Variants in DCTN6 observed in about 807,000 individuals in gnomAD.
DCTN6 encodes dynactin subunit 6.
A neutral mutation model predicts 25.8 loss-of-function variants in DCTN6; 15 were observed. The ratio of observed to expected loss-of-function variants is 0.58; its 90% CI spans 0.39 to 0.89. The LOEUF (loss-of-function observed/expected upper bound fraction) is 0.89, where lower values mean the gene tolerates loss of function less well. Among genes scored for constraint, DCTN6 ranks in the 40% least tolerant of loss-of-function variants. DCTN6 has a pLI of 0.00. For missense variants in DCTN6, 198 were observed against 237.6 expected, an observed-to-expected ratio of 0.83 and a Z score of 1.09; for synonymous variants, 64 against 78.3, an observed-to-expected ratio of 0.82 and a Z score of 0.96.
In DCTN6 at chr8:30,183,056, A is replaced by C; in HGVS notation, c.475-19A>C. 6.2e-7 allele frequency: 1 copy of C among 1,611,606 alleles called. No individual in the cohort carries two copies. The highest frequency in any genetic ancestry group is 1.1e-5 in the South Asian group (1 of 91,008). On this transcript the variant is annotated intron_variant, in intron 6 of 6. Coordinates refer to ENST00000221114, the MANE Select transcript of DCTN6 (RefSeq NM_006571.4). ...ACTTTGCTTTCTGCCAATCGGCCTT[A>C]ATTACCTTATCTTTTTAGCCCCAGA...
chr8:30,176,333 G>T (rs1195630513), intron 3 of DCTN6, among the ~76,000 whole-genome samples: 1 of 151,938 alleles, frequency 6.6e-6, no homozygotes, highest in Non-Finnish European at 1.5e-5. Context: ...TTCAAGACCA[G>T]CCTGACCAAT....
chr8:30,180,380 T>C, intron 5 of DCTN6, 108 bp from the exon 6 acceptor site: 1 of 1,425,410 alleles, frequency 7.0e-7, no homozygotes, highest in Non-Finnish European at 9.4e-7. Flanking sequence ...TTCTTTAACT[T>C]TTTTCTTGAG....
At chr8:30,178,882 C>T (rs932475533) in intron 4 of DCTN6, among the ~76,000 whole-genome samples, 3 of 152,266 alleles carry the variant, frequency 2.0e-5, no homozygotes, top group Admixed American at 2.0e-4. Context: ...TCCTTGAACC[C>T]CTAGGCTCAA....
At chr8:30,158,876 G>T (rs1423116270) in intron 1 of DCTN6, among the ~76,000 whole-genome samples, 2 of 149,636 alleles carry the variant, frequency 1.3e-5, no homozygotes, top group Admixed American at 6.8e-5. Flanking sequence ...TTGCCTCCTG[G>T]GTTCAAGCGA....
At chr8:30,174,467 G>A (rs1266664436) in intron 2 of DCTN6, among the ~76,000 whole-genome samples, 1 of 151,924 alleles carries the variant, frequency 6.6e-6, no homozygotes, top group East Asian at 1.9e-4. Flanking sequence ...CAAGTAGCTG[G>A]GACTACAGGC....
In DCTN6 at chr8:30,180,496, G is replaced by A. The variant is rs1803897031; in HGVS notation, c.340G>A (p.Gly114Ser). 1 of 1,612,724 alleles carries A rather than the reference G, an allele frequency of 6.2e-7. No homozygotes were observed. Among genetic ancestry groups the A allele is most frequent in the Non-Finnish European group, 8.5e-7 (1 of 1,179,372 alleles). ...CTGTGTTTTTATTGCAGCATATGTAGGCAGAAATGTAATATTGACAAGTGG... is the reference window on the plus strand; with the variant it reads ...CTGTGTTTTTATTGCAGCATATGTAAGCAGAAATGTAATATTGACAAGTGG... ...NNVIESKAYV[G>S]RNVILTSGCI... The change falls in exon 6 of 7, where the codon GGC becomes AGC. Residue 114 changes from glycine (G) to serine (S), a missense_variant. Coordinates refer to ENST00000221114, the MANE Select transcript of DCTN6 (RefSeq NM_006571.4).
At chr8:30,175,251 G>A in intron 3 of DCTN6, 61 bp downstream of exon 3, 4 of 1,463,006 alleles carry the variant, frequency 2.7e-6, no homozygotes, top group Non-Finnish European at 3.8e-6. Flanking sequence ...CTTAATTTCA[G>A]CTGTCTGTAA....
chr8:30,169,055 A>G (rs895058544), intron 2 of DCTN6, among the ~76,000 whole-genome samples: 1 of 152,244 alleles, frequency 6.6e-6, no homozygotes, highest in African/African-American at 2.4e-5. Flanking sequence ...GGACATCAGT[A>G]TGTGAAGGCG....
chr8:30,157,158 AT>A, intron 1 of DCTN6, among the ~76,000 whole-genome samples: 1 of 152,060 alleles, frequency 6.6e-6, no homozygotes, highest in Non-Finnish European at 1.5e-5. Flanking sequence ...ATGTGTACTC[AT>A]TTTAGCTCCC....
intron 6 of DCTN6, 125 bp downstream of exon 6, chr8:30,180,755 G>A: frequency 8.4e-7 from 1 of 1,188,668 alleles, no homozygotes; most frequent in South Asian, 1.7e-5. Context: ...AAAGATGCCA[G>A]TCTCAGTGAC....
chr8:30,180,669 A>T (rs768188050), intron 6 of DCTN6, 39 bp downstream of exon 6: 2 of 1,605,664 alleles, frequency 1.2e-6, no homozygotes, highest in Admixed American at 3.4e-5. Context: ...CTATCTGCTG[A>T]TTTTCCCAAA....
Position 30,183,285 on chromosome 8 carries a change from T to G in DCTN6, c.*112T>G. The G allele has an allele frequency of 1.3e-6, 1 of 769,486 alleles. No homozygotes were observed. 47.7% of individuals were successfully genotyped at this position (769,486 alleles called of 1,614,324 possible). On this transcript the variant is annotated 3_prime_UTR_variant, in exon 7 of 7. Coordinates refer to ENST00000221114, the MANE Select transcript of DCTN6 (RefSeq NM_006571.4). ...CACAGAATAATACATGTTCACTTTATTTTGTAAAATTGGGTTGAGAGGAAA... is the reference window on the plus strand; with the variant it reads ...CACAGAATAATACATGTTCACTTTAGTTTGTAAAATTGGGTTGAGAGGAAA...
intron 1 of DCTN6, 83 bp from the exon 2 acceptor site, chr8:30,164,028 G>C (rs1803632720): frequency 7.9e-7 from 1 of 1,263,042 alleles, no homozygotes; most frequent in East Asian, 2.3e-5. Flanking sequence ...TTTAAACCTT[G>C]TTTTCATTAC....
chr8:30,180,492 T>C lies in DCTN6; in HGVS notation c.336T>C (p.Tyr112=). The C allele has an allele frequency of 6.2e-7, 1 of 1,612,412 alleles. No homozygotes were observed. Among genetic ancestry groups the C allele is most frequent in the Admixed American group, 1.7e-5 (1 of 59,730 alleles). ...GDNNVIESKA[Y]VGRNVILTSG... is the part of the protein sequence containing the mutation. ...CTTTCTGTGTTTTTATTGCAGCATA[T>C]GTAGGCAGAAATGTAATATTGACAA... The change falls in exon 6 of 7, where the codon TAT becomes TAC. Residue 112 remains tyrosine, a synonymous_variant. Coordinates refer to ENST00000221114, the MANE Select transcript of DCTN6 (RefSeq NM_006571.4).
In DCTN6 at chr8:30,169,512, A is replaced by C. The variant is rs752702005; in HGVS notation, c.88+5337A>C. Among the ~76,000 whole-genome samples, 34 of 152,220 alleles carry C rather than the reference A, an allele frequency of 2.2e-4. 1 individual carries two copies. Among genetic ancestry groups the C allele is most frequent in the Admixed American group, 2.0e-3 (31 of 15,284 alleles). The stretch of plus-strand genomic sequence containing the variant: ...AACTCTAGACACATTTTTCCAAACA[A>C]GCAGATAAGCCAAATAGGGCTTCAG... On this transcript the variant is annotated intron_variant, in intron 2 of 6. Transcript: ENST00000221114.
chr8:30,158,925 GCACCCACCACCA>G (rs2117572841), intron 1 of DCTN6, among the ~76,000 whole-genome samples: 1 of 152,032 alleles, frequency 6.6e-6, no homozygotes, highest in East Asian at 1.9e-4. Flanking sequence ...GGGACTACAG[GCACCCACCACCA>G]CACCTGGCTA....
chr8:30,159,855 G>A (rs986877973), intron 1 of DCTN6, among the ~76,000 whole-genome samples: 7 of 151,488 alleles, frequency 4.6e-5, no homozygotes, highest in African/African-American at 1.5e-4. Flanking sequence ...TCTACCTCCT[G>A]GGCTCAAGCG....
chr8:30,161,748 A>AT (rs11292520), intron 1 of DCTN6, among the ~76,000 whole-genome samples: 116 of 138,946 alleles, frequency 8.3e-4, no homozygotes, highest in African/African-American at 2.2e-3. Flanking sequence ...TTGTGTTTTA[A>AT]TTTTTTTTTT....
At chr8:30,181,219 C>T (rs537378525) in intron 6 of DCTN6, among the ~76,000 whole-genome samples, 1 of 152,164 alleles carries the variant, frequency 6.6e-6, no homozygotes, top group Admixed American at 6.5e-5. Flanking sequence ...TGGTCTCATG[C>T]ATTGTCACTG....
Sources: gnomAD v4.1 joint callset for allele counts (sites outside exome capture counted in the v4.1 genomes callset) on GRCh38, gnomAD v4.1.1 for gene constraint, MANE v1.5 for transcripts, NCBI Gene and HGNC (gene_info 2026-07-23, HGNC 2026-07-21) for gene names.